The following POPDC1 variants were observed in gnomAD, a reference collection of about 807,000 sequenced individuals.
POPDC1 encodes popeye domain-containing protein 1.
At chr6:105,136,562 A>T in the POPDC1 span, 1 of 152,180 alleles carries the variant, frequency 6.6e-6, no homozygotes, top group African/African-American at 2.4e-5. Flanking sequence ...AACCCCGGAG[A>T]CTCGGCGGAG....
At chr6:105,105,117 A>T in the POPDC1 span, among the ~76,000 whole-genome samples, 1 of 152,166 alleles carries the variant, frequency 6.6e-6, no homozygotes, top group Non-Finnish European at 1.5e-5. Flanking sequence ...GGAAAGATGG[A>T]ATTTTTCTGC....
At chr6:105,128,881 A>C in the POPDC1 span, among the ~76,000 whole-genome samples, 1 of 151,904 alleles carries the variant, frequency 6.6e-6, no homozygotes, top group East Asian at 1.9e-4. Context: ...GATAAATCAG[A>C]GTTGAAAAGA....
the POPDC1 span, among the ~76,000 whole-genome samples, chr6:105,129,988 G>GT: frequency 5.3e-5 from 8 of 151,912 alleles, no homozygotes; most frequent in African/African-American, 1.9e-4. Context: ...GTTTCATTTT[G>GT]TTTTTTGTCC....
chr6:105,129,417 T>G, the POPDC1 span: 2 of 1,612,330 alleles, frequency 1.2e-6, no homozygotes, highest in East Asian at 2.2e-5. Flanking sequence ...AGATGCAAAA[T>G]GTTGACACCC....
the POPDC1 span, among the ~76,000 whole-genome samples, chr6:105,111,085 A>G: frequency 6.6e-6 from 1 of 152,198 alleles, no homozygotes; most frequent in Non-Finnish European, 1.5e-5. Flanking sequence ...TAAAAACAAC[A>G]TAATTATTAT....
chr6:105,107,964 A>G, the POPDC1 span, among the ~76,000 whole-genome samples: 11 of 152,306 alleles, frequency 7.2e-5, no homozygotes, highest in African/African-American at 2.6e-4. Context: ...TAATACACTC[A>G]GCACCAGCAC....
At chr6:105,133,421 C>T in the POPDC1 span, 83 of 1,613,696 alleles carry the variant, frequency 5.1e-5, no homozygotes, top group Non-Finnish European at 6.4e-5. Context: ...AACCCAACTG[C>T]AAAACAAATA....
the POPDC1 span, among the ~76,000 whole-genome samples, chr6:105,104,892 T>C: frequency 7.0e-6 from 1 of 142,108 alleles, no homozygotes; most frequent in African/African-American, 2.7e-5. Flanking sequence ...CATGCTGTCT[T>C]ATTTTATTTC....
the POPDC1 span, among the ~76,000 whole-genome samples, chr6:105,104,341 T>C: frequency 2.0e-5 from 3 of 152,156 alleles, no homozygotes; most frequent in African/African-American, 7.2e-5. Flanking sequence ...CATTTGCATC[T>C]CTTCCTTATT....
the POPDC1 span, among the ~76,000 whole-genome samples, chr6:105,116,132 C>CA: frequency 6.6e-6 from 1 of 152,164 alleles, no homozygotes; most frequent in African/African-American, 2.4e-5. Context: ...CACATATACT[C>CA]AATTGTCACT....
chr6:105,100,968 C>T, the POPDC1 span: 4 of 1,211,726 alleles, frequency 3.3e-6, no homozygotes, highest in Non-Finnish European at 4.5e-6. Context: ...CTTCCTCCCT[C>T]CGACTCCACC....
the POPDC1 span, chr6:105,116,922 TG>T: frequency 6.7e-7 from 1 of 1,493,658 alleles, no homozygotes; most frequent in African/African-American, 1.4e-5. Flanking sequence ...ATATGAATTA[TG>T]ACTATAGTGA....
chr6:105,107,446 C>CT, the POPDC1 span, among the ~76,000 whole-genome samples: 5 of 152,318 alleles, frequency 3.3e-5, no homozygotes, highest in South Asian at 1.0e-3. Context: ...ATTTGTTTTT[C>CT]TTAAATCCAG....
chr6:105,115,713 G>T, the POPDC1 span: 1 of 1,614,106 alleles, frequency 6.2e-7, no homozygotes, highest in Non-Finnish European at 8.5e-7. Flanking sequence ...GAGGTACCCC[G>T]AAGAAACTGG....
chr6:105,119,371 G>A, the POPDC1 span, among the ~76,000 whole-genome samples: 6 of 152,072 alleles, frequency 3.9e-5, no homozygotes, highest in Admixed American at 3.9e-4. Context: ...CTCATACAGA[G>A]AAAGGCTGAA....
At chr6:105,118,295 T>A in the POPDC1 span, among the ~76,000 whole-genome samples, 1 of 152,126 alleles carries the variant, frequency 6.6e-6, no homozygotes. Flanking sequence ...CAAGCTGAAA[T>A]CTGATTGCTG....
At chr6:105,099,216 G>A in the POPDC1 span, 1 of 152,122 alleles carries the variant, frequency 6.6e-6, no homozygotes, top group Non-Finnish European at 1.5e-5. Flanking sequence ...GACAGGAACT[G>A]GATTCAGAGT....
At chr6:105,115,584 T>C in the POPDC1 span, 2 of 1,415,328 alleles carry the variant, frequency 1.4e-6, no homozygotes, top group Non-Finnish European at 1.9e-6. Context: ...GCCTTTCAAA[T>C]AGTTACCTGC....
the POPDC1 span, among the ~76,000 whole-genome samples, chr6:105,112,664 A>C: frequency 6.6e-6 from 1 of 152,226 alleles, no homozygotes; most frequent in Non-Finnish European, 1.5e-5. Flanking sequence ...CAAGGAAGGA[A>C]TCAGGAGATG....
Sources: gnomAD v4.1 joint callset for allele counts (sites outside exome capture counted in the v4.1 genomes callset) on GRCh38, gnomAD v4.1.1 for gene constraint, MANE v1.5 for transcripts, NCBI Gene and HGNC (gene_info 2026-07-23, HGNC 2026-07-21) for gene names.